The following TBX5 variants were observed in gnomAD, a reference collection of about 807,000 sequenced individuals.
The protein encoded by TBX5 is T-box transcription factor TBX5.
A neutral mutation model predicts 51.1 loss-of-function variants in TBX5; 8 were observed. The observed-to-expected ratio is 0.16, with a 90% CI of 0.09 to 0.28. The LOEUF (loss-of-function observed/expected upper bound fraction) is 0.28. Ranked by LOEUF, TBX5 falls within the 10% of genes least tolerant of loss-of-function variation. The probability of loss-of-function intolerance (pLI) is 1.00; values close to 1 mark genes in which losing one functional copy is unlikely to be tolerated. For synonymous variants in TBX5, 302 were observed against 266.4 expected (o/e 1.13, Z -1.30); for missense variants, 589 against 671.7 (o/e 0.88, Z 1.36).
chr12:114,395,097 G>A (rs1239244119), intron 5 of TBX5, among the ~76,000 whole-genome samples: 2 of 151,976 alleles, frequency 1.3e-5, no homozygotes, highest in Non-Finnish European at 2.9e-5. Flanking sequence ...AAAAAGCCAG[G>A]GTAATATTCC....
intron 7 of TBX5, among the ~76,000 whole-genome samples, chr12:114,368,711 C>A (rs748651899): frequency 5.9e-5 from 9 of 152,112 alleles, no homozygotes; most frequent in Non-Finnish European, 1.3e-4. Context: ...CTACTTCTAC[C>A]CCCTCAAGTG....
chr12:114,375,246 G>A lies in TBX5; in HGVS notation c.756-8855C>T, dbSNP rs149076664. 1.1e-4 allele frequency among the ~76,000 whole-genome samples: 17 copies of A among 152,318 alleles called. No homozygotes were observed. The East Asian group carries it at 3.1e-3, about 28-fold the overall frequency. ...TCTAGAACCAAGGGATTACCCAAGT[G>A]TGACCAGGGGACACCTCCATCAGAG... On this transcript the variant is annotated intron_variant, in intron 7 of 8. Transcript: ENST00000405440.
intron 7 of TBX5, among the ~76,000 whole-genome samples, chr12:114,371,461 C>T (rs1869897735): frequency 6.6e-6 from 1 of 152,146 alleles, no homozygotes; most frequent in African/African-American, 2.4e-5. Context: ...AATCCACGGC[C>T]AAACTGCATC....
chr12:114,371,649 A>G (rs1869917186), intron 7 of TBX5, among the ~76,000 whole-genome samples: 1 of 146,874 alleles, frequency 6.8e-6, no homozygotes. Flanking sequence ...TTTTCAAACA[A>G]CTAAAGCAGT....
chr12:114,396,566 G>A (rs1386472848), intron 5 of TBX5, among the ~76,000 whole-genome samples: 3 of 152,118 alleles, frequency 2.0e-5, no homozygotes, highest in African/African-American at 7.2e-5. Context: ...TGGTGGTGGG[G>A]TTGTGCACCT....
At chr12:114,385,258 C>T (rs1019903650) in intron 7 of TBX5, among the ~76,000 whole-genome samples, 9 of 152,206 alleles carry the variant, frequency 5.9e-5, no homozygotes, top group African/African-American at 2.2e-4. Flanking sequence ...TACCTTCTCT[C>T]CACTAGAAAA....
chr12:114,403,987 C>T, intron 1 of TBX5, 51 bp from the exon 2 acceptor site: 2 of 1,550,718 alleles, frequency 1.3e-6, no homozygotes, highest in Non-Finnish European at 1.7e-6. Context: ...AGAGAGAGAA[C>T]GAGAGAAAGG....
chr12:114,388,990 G>A (rs144343304), intron 6 of TBX5, among the ~76,000 whole-genome samples: 221 of 152,036 alleles, frequency 1.5e-3, no homozygotes, highest in African/African-American at 4.7e-3. Flanking sequence ...GTGCAGTGGC[G>A]CGATCTTGGC....
At position 114,355,931 on chromosome 12, in the gene TBX5, G is replaced by A. The variant is rs745319218; in HGVS notation, c.1158C>T (p.Pro386=). 5 of 1,613,680 alleles carry A rather than the reference G, an allele frequency of 3.1e-6. No individual in the cohort carries two copies. The South Asian group carries it at 4.4e-5, about 14-fold the overall frequency. ...CCTCTAGGCTGGGCACAGGCTCGCT[G>A]GGGGGCGCAGAGCTGGCATACATGC... ...QACMYASSAP[P]SEPVPSLEDI... is the part of the protein sequence containing the mutation. The change falls in exon 9 of 9, where the codon CCC becomes CCT. Residue 386 remains proline (P), a synonymous_variant. Coordinates refer to ENST00000405440, the MANE Select transcript of TBX5 (RefSeq NM_181486.4).
chr12:114,379,440 C>T (rs184311083), intron 7 of TBX5, among the ~76,000 whole-genome samples: 68 of 152,260 alleles, frequency 4.5e-4, no homozygotes, highest in African/African-American at 1.6e-3. Context: ...GGAAAGTTGT[C>T]GCAGGTGAGC....
upstream of TBX5, chr12:114,407,729 A>C: frequency 1.0e-6 from 1 of 980,136 alleles, no homozygotes. Flanking sequence ...AGATTCAGCA[A>C]GACTAAGACG....
chr12:114,395,680 C>A (rs149388210), intron 5 of TBX5, among the ~76,000 whole-genome samples: 61 of 152,284 alleles, frequency 4.0e-4, no homozygotes, highest in African/African-American at 1.5e-3. Context: ...CCACGCTTGG[C>A]CCCAGACAGA....
At chr12:114,394,525 A>T (rs1593875553) in intron 6 of TBX5, among the ~76,000 whole-genome samples, 1 of 152,088 alleles carries the variant, frequency 6.6e-6, no homozygotes, top group East Asian at 1.9e-4. Context: ...GTGTGGGTGC[A>T]TATGTGTGGT....
At position 114,385,471 on chromosome 12, in the gene TBX5, C is replaced by T. The variant is rs746984375; in HGVS notation, c.755+5G>A. 1.2e-6 allele frequency: 2 copies of T among 1,614,054 alleles called. No individual in the cohort carries two copies. Among genetic ancestry groups the T allele is most frequent in the East Asian group, 2.2e-5 (1 of 44,872 alleles). On this transcript the variant is annotated splice_donor_5th_base_variant and intron_variant, in intron 7 of 8. Coordinates refer to ENST00000405440, the MANE Select transcript of TBX5 (RefSeq NM_181486.4). ...AGGAGAAAGTTGAGGAATCCACTTT[C>T]CTACCTTTGCATTCTTGACATTCTG...
chr12:114,382,643 G>A (rs57959275), intron 7 of TBX5, among the ~76,000 whole-genome samples: 4,066 of 152,042 alleles, frequency 0.027, 120 homozygotes, highest in East Asian at 0.15. Context: ...ACTAAAACAC[G>A]AAAATTAGCC....
At chr12:114,406,819 C>G (rs573185525), upstream of TBX5, among the ~76,000 whole-genome samples, 13 of 152,110 alleles carry the variant, frequency 8.5e-5, no homozygotes, top group East Asian at 2.1e-3. Flanking sequence ...CCACTGGTCT[C>G]CTCTCCTTGC....
At position 114,357,740 on chromosome 12, in the gene TBX5, C is replaced by G. The variant is rs562747642; in HGVS notation, c.983-1634G>C. Among the ~76,000 whole-genome samples, 7 of 152,334 alleles carry G rather than the reference C, an allele frequency of 4.6e-5. No individual in the cohort carries two copies. In the South Asian group the frequency reaches 1.2e-3, roughly 27 times the overall value. ...CAAAGTATAAACCTCAACACAGACT[C>G]ATTACTTATCTGAAATTTTACCTTC... On this transcript the variant is annotated intron_variant, in intron 8 of 8. Transcript: ENST00000405440.
chr12:114,378,605 C>G (rs1870333370), intron 7 of TBX5, among the ~76,000 whole-genome samples: 2 of 152,176 alleles, frequency 1.3e-5, no homozygotes, highest in Admixed American at 6.5e-5. Flanking sequence ...GTCCTCCCTT[C>G]TTGAACCTGT....
At chr12:114,389,573 T>A (rs1593870467) in intron 6 of TBX5, among the ~76,000 whole-genome samples, 1 of 146,856 alleles carries the variant, frequency 6.8e-6, no homozygotes, top group East Asian at 2.0e-4. Context: ...GCTAAAACGG[T>A]GAAACCCCGT....
Sources: allele counts gnomAD v4.1 joint callset (sites outside exome capture counted in the v4.1 genomes callset), GRCh38; gene constraint gnomAD v4.1.1; transcripts MANE v1.5; gene names NCBI Gene and HGNC (gene_info 2026-07-23, HGNC 2026-07-21).